Variants in SNX24 observed in about 807,000 individuals in gnomAD.
SNX24 encodes the protein sorting nexin-24.
In SNX24, 22 loss-of-function variants were observed where a neutral mutation model predicts 28.7. The observed-to-expected ratio is 0.77, with a 90% confidence interval of 0.55 to 1.10. The LOEUF (loss-of-function observed/expected upper bound fraction) is 1.10, where lower values mean the gene tolerates loss of function less well. Among genes scored for constraint, SNX24 ranks in the 50% least tolerant of loss-of-function variants. SNX24 has a pLI of 0.00. For synonymous variants in SNX24, 69 were observed against 71.5 expected, an observed-to-expected ratio of 0.96 and a Z score of 0.18; for missense variants, 221 against 201.1, an observed-to-expected ratio of 1.10 and a Z score of -0.60.
At chr5:122,875,497 T>TTC (rs1756183006) in intron 1 of SNX24, among the ~76,000 whole-genome samples, 1 of 152,234 alleles carries the variant, frequency 6.6e-6, no homozygotes, top group East Asian at 1.9e-4. Flanking sequence ...CAGACTTGGG[T>TTC]TCTCACCTTA....
chr5:122,961,167 T>C (rs1182486596), intron 3 of SNX24, among the ~76,000 whole-genome samples: 2 of 152,212 alleles, frequency 1.3e-5, no homozygotes, highest in Non-Finnish European at 2.9e-5. Flanking sequence ...AAGGCACTGA[T>C]GAAACTGAGT....
chr5:122,908,811 G>A (rs929262162), intron 1 of SNX24, among the ~76,000 whole-genome samples: 78 of 152,156 alleles, frequency 5.1e-4, no homozygotes, highest in African/African-American at 1.9e-3. Flanking sequence ...GATCGTCAGG[G>A]TCCTCTGCTG....
chr5:122,942,752 G>A (rs1759512868), intron 2 of SNX24, among the ~76,000 whole-genome samples: 1 of 152,156 alleles, frequency 6.6e-6, no homozygotes, highest in African/African-American at 2.4e-5. Context: ...CGGATGAAGT[G>A]ACAGAGGAGT....
At chr5:122,936,663 C>T (rs1759191462) in intron 1 of SNX24, 71 bp from the exon 2 acceptor site, 2 of 915,528 alleles carry the variant, frequency 2.2e-6, no homozygotes, top group East Asian at 2.6e-5. Context: ...ATATCATGGT[C>T]ACAAACTTAC....
intron 3 of SNX24, among the ~76,000 whole-genome samples, chr5:122,979,850 A>T (rs1422959589): frequency 6.6e-6 from 1 of 152,212 alleles, no homozygotes; most frequent in African/African-American, 2.4e-5. Flanking sequence ...CAGTTGTGCC[A>T]TCTCCATTTA....
chr5:123,014,753 A>AT (rs1436952929), intron 5 of SNX24, among the ~76,000 whole-genome samples: 1 of 152,188 alleles, frequency 6.6e-6, no homozygotes, highest in Non-Finnish European at 1.5e-5. Flanking sequence ...TAAGAAAAAC[A>AT]TTTAAATTTC....
intron 3 of SNX24, among the ~76,000 whole-genome samples, chr5:122,957,420 T>C (rs1419230796): frequency 6.6e-6 from 1 of 152,224 alleles, no homozygotes; most frequent in African/African-American, 2.4e-5. Flanking sequence ...TTACTATAGC[T>C]TTAGAGAAAG....
At chr5:122,925,369 G>A (rs566570551) in intron 1 of SNX24, among the ~76,000 whole-genome samples, 60 of 149,884 alleles carry the variant, frequency 4.0e-4, no homozygotes, top group Non-Finnish European at 7.1e-4. Flanking sequence ...TAGCTCCCTG[G>A]GCTCACTCAA....
intron 5 of SNX24, chr5:123,023,799 GACA>G: frequency 8.3e-7 from 1 of 1,202,644 alleles, no homozygotes; most frequent in Non-Finnish European, 1.1e-6. Flanking sequence ...ATAATTGAAA[GACA>G]ACACAACACA....
chr5:123,016,507 A>G (rs532147581), intron 5 of SNX24, among the ~76,000 whole-genome samples: 3 of 152,314 alleles, frequency 2.0e-5, no homozygotes, highest in African/African-American at 7.2e-5. Flanking sequence ...AATGGCTCAC[A>G]CTTTATCTGA....
intron 3 of SNX24, among the ~76,000 whole-genome samples, chr5:122,946,442 G>A (rs1290274764): frequency 6.6e-6 from 1 of 152,020 alleles, no homozygotes; most frequent in Non-Finnish European, 1.5e-5. Context: ...AAATTATTTT[G>A]TTTTTTGCTT....
At chr5:123,000,284 G>C (rs573776586) in intron 4 of SNX24, among the ~76,000 whole-genome samples, 3 of 152,352 alleles carry the variant, frequency 2.0e-5, no homozygotes, top group African/African-American at 4.8e-5. Flanking sequence ...GATGTTACTT[G>C]ATGGGAATTA....
At chr5:122,877,113 G>C (rs1179523050) in intron 1 of SNX24, among the ~76,000 whole-genome samples, 1 of 152,124 alleles carries the variant, frequency 6.6e-6, no homozygotes, top group Non-Finnish European at 1.5e-5. Context: ...GATGGGCACT[G>C]GGGAGAGGAG....
chr5:122,865,077 G>T (rs1445360745), intron 1 of SNX24, among the ~76,000 whole-genome samples: 1 of 152,228 alleles, frequency 6.6e-6, no homozygotes, highest in Non-Finnish European at 1.5e-5. Flanking sequence ...GTTTCAGAAT[G>T]ATGGCATTGT....
intron 1 of SNX24, among the ~76,000 whole-genome samples, chr5:122,922,292 A>G (rs2910137): frequency 0.75 from 114,355 of 152,032 alleles, 43,634 homozygotes; most frequent in East Asian, 0.99. Flanking sequence ...TCACTCTGTC[A>G]CCCAGGCTGG....
chr5:122,886,429 C>A (rs1561547656), intron 1 of SNX24, among the ~76,000 whole-genome samples: 1 of 152,110 alleles, frequency 6.6e-6, no homozygotes, highest in Non-Finnish European at 1.5e-5. Flanking sequence ...TTCCATGTAT[C>A]TTGCCAGCCA....
intron 1 of SNX24, among the ~76,000 whole-genome samples, chr5:122,857,130 G>A (rs1755231455): frequency 6.6e-6 from 1 of 151,872 alleles, no homozygotes; most frequent in Admixed American, 6.6e-5. Context: ...TCCCGCCTCA[G>A]CCTCCCAAGT....
At chr5:122,949,686 G>A (rs1402272172) in intron 3 of SNX24, among the ~76,000 whole-genome samples, 1 of 152,090 alleles carries the variant, frequency 6.6e-6, no homozygotes, top group East Asian at 1.9e-4. Flanking sequence ...TTACTTGCCT[G>A]GAGATTAAAA....
At chr5:122,853,689 T>C in intron 1 of SNX24, 1 of 406,314 alleles carries the variant, frequency 2.5e-6, no homozygotes, top group Non-Finnish European at 5.0e-6. Flanking sequence ...GGTCTTGCAG[T>C]GTTGCCCAGG....
Sources: gnomAD v4.1 joint callset for allele counts (sites outside exome capture counted in the v4.1 genomes callset) on GRCh38, gnomAD v4.1.1 for gene constraint, MANE v1.5 for transcripts, NCBI Gene and HGNC (gene_info 2026-07-23, HGNC 2026-07-21) for gene names.